The following TMED4 variants were observed in gnomAD, a reference collection of about 807,000 sequenced individuals.
The protein encoded by TMED4 is transmembrane p24 trafficking protein 4, also known as transmembrane emp24 domain-containing protein 4.
TMED4 carries 19 observed loss-of-function variants against 26.5 expected under a neutral mutation model. The ratio of observed to expected loss-of-function variants is 0.72; its 90% CI spans 0.50 to 1.05. The LOEUF (loss-of-function observed/expected upper bound fraction) is 1.05. Ranked by LOEUF, TMED4 falls within the 50% of genes least tolerant of loss-of-function variation. The probability of loss-of-function intolerance (pLI) is 0.00; values close to 1 mark genes in which losing one functional copy is unlikely to be tolerated. For synonymous variants in TMED4, 121 were observed against 119.8 expected (o/e 1.01, Z -0.07); for missense variants, 303 against 302.5 (o/e 1.00, Z -0.01).
intron 4 of TMED4, 68 bp from the exon 5 acceptor site, chr7:44,579,696 C>T (rs1802919800): frequency 1.9e-6 from 3 of 1,542,628 alleles, no homozygotes; most frequent in Non-Finnish European, 8.9e-7. Flanking sequence ...TCCCTCCCTG[C>T]GTGTAATTAC....
exon 1 of TMED4, chr7:44,582,223 AGCGCCTGCGCACATTTGCGCATCGCTCT>A (rs756659691): frequency 1.3e-4 from 205 of 1,534,150 alleles, 1 homozygote; most frequent in South Asian, 4.9e-4. Context: ...TCAGCCCCTA[AGCGCCTGCGCACATTTGCGCATCGCTCT>A]GCGCCTGCGC....
In TMED4 at chr7:44,582,227, C is replaced by CCTGCGCACATTTGCGCATCGCT; in HGVS notation, c.-22_-21insAGCGATGCGCAAATGTGCGCAG. On this transcript the variant is annotated 5_prime_UTR_variant, in exon 1 of 5. It adds an upstream start codon to the 5' untranslated region. Transcript: ENST00000457408. ...GCCATCGCGCCTCAGCCCCTAAGCG[C>CCTGCGCACATTTGCGCATCGCT]CTGCGCACATTTGCGCATCGCTCTG... is the stretch of plus-strand genomic sequence containing the variant. 6.5e-7 allele frequency: 1 copy of CCTGCGCACATTTGCGCATCGCT among 1,530,528 alleles called. No individual in the cohort carries two copies. Among genetic ancestry groups the CCTGCGCACATTTGCGCATCGCT allele is most frequent in the Non-Finnish European group, 8.7e-7 (1 of 1,143,278 alleles). The allele number at this position is 1,530,528 out of a possible 1,614,324, so 94.8% of individuals were successfully genotyped here.
In TMED4 at chr7:44,577,953, GAAATA is replaced by G. The variant is rs943559838; in HGVS notation, c.*1521_*1525del. 10 of 151,990 alleles carry G rather than the reference GAAATA, an allele frequency of 6.6e-5. No homozygotes were observed. The highest frequency in any genetic ancestry group is 2.2e-4 in the African/African-American group (9 of 41,392). 9.4% of individuals were successfully genotyped at this position (151,990 alleles called of 1,614,324 possible). ...TTCAAATAAATATATAATAAAAACT[GAAATA>G]AAATGTCAAGAATGGGGAACTAATG... is the stretch of plus-strand genomic sequence containing the variant. On this transcript the variant is annotated 3_prime_UTR_variant, in exon 5 of 5. Coordinates refer to ENST00000457408, the MANE Select transcript of TMED4 (RefSeq NM_182547.4).
In TMED4 at chr7:44,579,264, C is replaced by A. The variant is rs534839894; in HGVS notation, c.*215G>T. 20 of 453,540 alleles carry A rather than the reference C, an allele frequency of 4.4e-5. No individual in the cohort carries two copies. The East Asian group carries it at 6.9e-4, about 16-fold the overall frequency. 28.1% of individuals were successfully genotyped at this position (453,540 alleles called of 1,614,324 possible). On this transcript the variant is annotated 3_prime_UTR_variant, in exon 5 of 5. Transcript: ENST00000457408. Reference sequence around the variant, plus strand: ...GTCCTGGGTTAGTTCTGATTCCTCACAAGCCCTAAGACAAGATTTTGAAAG... The same window carrying A: ...GTCCTGGGTTAGTTCTGATTCCTCAAAAGCCCTAAGACAAGATTTTGAAAG...
intron 4 of TMED4, 116 bp from the exon 5 acceptor site, chr7:44,579,744 G>T: frequency 8.7e-7 from 1 of 1,144,842 alleles, no homozygotes; most frequent in Non-Finnish European, 1.2e-6. Context: ...AATACTATCT[G>T]TGACTCCATT....
rs1213143138 is a variant in TMED4, at chr7:44,581,161, G to C, written c.466C>G (p.Leu156Val). The change falls in exon 4 of 5, where the codon CTA becomes GTA. Residue 156 changes from leucine (L) to valine (V), a missense_variant. Coordinates refer to ENST00000457408, the MANE Select transcript of TMED4 (RefSeq NM_182547.4). ...EIAAKDKLTE[L>V]QLRARQLLDQ... is the part of the protein sequence containing the mutation. The stretch of plus-strand genomic sequence containing the variant: ...AGCAACTGGCGGGCGCGGAGCTGTA[G>C]CTCCGTCAGCTTATCTTTTGCAGCA... 5 of 1,614,142 alleles carry C rather than the reference G, an allele frequency of 3.1e-6. No homozygotes were observed. The highest frequency in any genetic ancestry group is 3.4e-6 in the Non-Finnish European group (4 of 1,180,028).
chr7:44,579,407 G>A lies in TMED4; in HGVS notation c.*72C>T. 1 of 1,480,864 alleles carries A rather than the reference G, an allele frequency of 6.8e-7. No homozygotes were observed. The highest frequency in any genetic ancestry group is 9.1e-7 in the Non-Finnish European group (1 of 1,096,010). The allele number at this position is 1,480,864 out of a possible 1,614,324, so 91.7% of individuals were successfully genotyped here. A position where few individuals can be genotyped will look rare whatever the true frequency, so the allele number is the denominator to read the frequency against. Reference sequence around the variant, plus strand: ...TTTCATTTTTTTCCCTAAAAATCCAGGTGGATAAAGGACTGTGTGGGGAAA... The same window carrying A: ...TTTCATTTTTTTCCCTAAAAATCCAAGTGGATAAAGGACTGTGTGGGGAAA... On this transcript the variant is annotated 3_prime_UTR_variant, in exon 5 of 5. Coordinates refer to ENST00000457408, the MANE Select transcript of TMED4 (RefSeq NM_182547.4).
rs372576899 is a variant in TMED4, at chr7:44,579,519, C to T, written c.644G>A (p.Arg215His). Residue 215 changes from arginine to histidine, a missense_variant, in exon 5 of 5, where the codon CGT becomes CAT. Physicochemically the swap from Arg to His is conservative, Grantham distance 29. Transcript: ENST00000457408. ...GGCCTCAAAGAAGCTCTTGAGGTGACGCATCTGCCAGATGCCAGTGAGGAT... is the reference window on the plus strand; with the variant it reads ...GGCCTCAAAGAAGCTCTTGAGGTGATGCATCTGCCAGATGCCAGTGAGGAT... The part of the protein sequence containing the change: ...ILILTGIWQM[R>H]HLKSFFEAKK... 18 of 1,614,006 alleles carry T rather than the reference C, an allele frequency of 1.1e-5. No individual in the cohort carries two copies. The highest frequency in any genetic ancestry group is 1.7e-5 in the Admixed American group (1 of 60,006).
At chr7:44,580,944 G>T in intron 4 of TMED4, 149 bp downstream of exon 4, 1 of 871,080 alleles carries the variant, frequency 1.1e-6, no homozygotes, top group Non-Finnish European at 1.7e-6. Flanking sequence ...GTGAAACTCC[G>T]TCTCAAAAAC....
chr7:44,579,311 C>T lies in TMED4; in HGVS notation c.*168G>A. 1.6e-6 allele frequency: 1 copy of T among 644,822 alleles called. No individual in the cohort carries two copies. Among genetic ancestry groups the T allele is most frequent in the African/African-American group, 1.8e-5 (1 of 54,826 alleles). 39.9% of individuals were successfully genotyped at this position (644,822 alleles called of 1,614,324 possible). On this transcript the variant is annotated 3_prime_UTR_variant, in exon 5 of 5. Transcript: ENST00000457408. Reference sequence around the variant, plus strand: ...AAAGATTGGACTAATGTCATGTGTCCTTAAGAACCAGGGTCAGCAAGTGGC... The same window carrying T: ...AAAGATTGGACTAATGTCATGTGTCTTTAAGAACCAGGGTCAGCAAGTGGC...
Position 44,581,767 on chromosome 7 carries a change from G to C in TMED4, c.217C>G (p.Pro73Ala). ...ACTTCCACGTGCATGCCCAGGCCAG[G>C]GGTCGAGGGCAGGAAGACCTCCTTC... ...KQKEVFLPST[P>A]GLGMHVEVKD... The change falls in exon 2 of 5, where the codon CCT becomes GCT. Residue 73 changes from proline (P) to alanine (A), a missense_variant. Pro to Ala is a conservative substitution (Grantham distance 27). Coordinates refer to ENST00000457408, the MANE Select transcript of TMED4 (RefSeq NM_182547.4). 6.2e-7 allele frequency: 1 copy of C among 1,614,232 alleles called. No homozygotes were observed. The highest frequency in any genetic ancestry group is 8.5e-7 in the Non-Finnish European group (1 of 1,180,046).
intron 1 of TMED4, 37 bp downstream of exon 1, chr7:44,582,010 G>C (rs1043408125): frequency 3.9e-6 from 6 of 1,533,354 alleles, no homozygotes; most frequent in South Asian, 1.2e-5. Context: ...GGGCTGAGCT[G>C]GGTACAAAGG....
chr7:44,579,537 G>C lies in TMED4; in HGVS notation c.626C>G (p.Thr209Ser). 1 of 1,614,160 alleles carries C rather than the reference G, an allele frequency of 6.2e-7. No homozygotes were observed. The highest frequency in any genetic ancestry group is 1.6e-4 in the Middle Eastern group (1 of 6,062). ...GAGGTGACGCATCTGCCAGATGCCA[G>C]TGAGGATGAGGATGACAGTCTGAGC... ...SIAQTVILILTGIWQMRHLKS... is the reference protein window; with the variant it reads ...SIAQTVILILSGIWQMRHLKS... Residue 209 changes from threonine to serine, a missense_variant, in exon 5 of 5, where the codon ACT becomes AGT. Transcript: ENST00000457408.
Position 44,581,828 on chromosome 7 carries a change from G to A in TMED4, c.161-5C>T, listed in dbSNP as rs762183406. On this transcript the variant is annotated splice_region_variant and splice_polypyrimidine_tract_variant and intron_variant, in intron 1 of 4. Coordinates refer to ENST00000457408, the MANE Select transcript of TMED4 (RefSeq NM_182547.4). ...ACATCTGGGTACGATAGTTGCCTGC[G>A]GGGCAGACACATAGTCACGACCGGC... is the stretch of plus-strand genomic sequence containing the variant. The A allele has an allele frequency of 6.4e-5, 104 of 1,613,796 alleles. No homozygotes were observed. The highest frequency in any genetic ancestry group is 8.1e-5 in the Non-Finnish European group (96 of 1,179,870).
rs771263996 is a variant in TMED4 at position 44,582,101 on chromosome 7, C to T, written c.106G>A (p.Glu36Lys). Residue 36 changes from glutamate (E) to lysine (K), a missense_variant, in exon 1 of 5, where the codon GAG (glutamate) becomes AAG (lysine). Transcript: ENST00000457408. ...GAQGLYFHIG[E>K]TEKRCFIEEI... ...TCGATGAAACAGCGCTTCTCGGTCT[C>T]GCCGATGTGGAAGTAGAGCCCCTGG... The T allele has an allele frequency of 6.4e-7, 1 of 1,563,212 alleles. No homozygotes were observed. Among genetic ancestry groups the T allele is most frequent in the Non-Finnish European group, 8.7e-7 (1 of 1,154,044 alleles).
rs999908014 is a variant in TMED4, at chr7:44,579,630, T to C, written c.535-2A>G. On this transcript the variant is annotated splice_acceptor_variant, in intron 4 of 4. Coordinates refer to ENST00000457408, the MANE Select transcript of TMED4 (RefSeq NM_182547.4). LOFTEE classifies it high-confidence loss of function. ...CAGTCGGAAGCGCTCTTCACGATAC[T>C]GTGTGGGGCAACACAGGGTTAAGTG... The C allele has an allele frequency of 6.2e-6, 10 of 1,612,926 alleles. No individual in the cohort carries two copies. The highest frequency in any genetic ancestry group is 7.6e-6 in the Non-Finnish European group (9 of 1,179,176).
At chr7:44,581,637 G>T in intron 2 of TMED4, 63 bp from the exon 3 acceptor site, 3 of 1,613,868 alleles carry the variant, frequency 1.9e-6, no homozygotes, top group Non-Finnish European at 2.5e-6. Context: ...GCAAGTTCCT[G>T]TCCCTTGAGG....
At chr7:44,580,049 A>C (rs1802933489) in intron 4 of TMED4, 1 of 156,240 alleles carries the variant, frequency 6.4e-6, no homozygotes, top group Non-Finnish European at 1.4e-5. Context: ...CATTATACTC[A>C]GTGAAATAAG....
At chr7:44,581,986 G>A in intron 1 of TMED4, 61 bp downstream of exon 1, 1 of 1,523,514 alleles carries the variant, frequency 6.6e-7, no homozygotes, top group Non-Finnish European at 8.8e-7. Flanking sequence ...CTCGGGAGGA[G>A]GGAGCGCCGC....
Sources: gnomAD v4.1 joint callset for allele counts on GRCh38, gnomAD v4.1.1 for gene constraint, MANE v1.5 for transcripts, NCBI Gene and HGNC (gene_info 2026-07-23, HGNC 2026-07-21) for gene names.